Variants in ALG8 observed in about 807,000 individuals in gnomAD.
The protein encoded by ALG8 is ALG8 alpha-1,3-glucosyltransferase, also known as dolichyl pyrophosphate Glc1Man9GlcNAc2 alpha-1,3-glucosyltransferase.
A neutral mutation model predicts 70.2 loss-of-function variants in ALG8; 48 were observed. That is an observed-to-expected ratio of 0.68 (90% confidence interval 0.54 to 0.87). The LOEUF is 0.87. Ranked by LOEUF, ALG8 falls within the 40% of genes least tolerant of loss-of-function variation. ALG8 has a pLI of 0.00. For missense variants in ALG8, 572 were observed against 608.7 expected (o/e 0.94, Z 0.64); for synonymous variants, 234 against 229.0 (o/e 1.02, Z -0.20).
intron 7 of ALG8, among the ~76,000 whole-genome samples, chr11:78,113,154 T>A (rs1401001335): frequency 7.2e-5 from 11 of 152,194 alleles, no homozygotes; most frequent in Non-Finnish European, 1.3e-4. Flanking sequence ...AATTAGTTGA[T>A]TTCAGGGCAG....
intron 1 of ALG8, among the ~76,000 whole-genome samples, chr11:78,131,344 T>C (rs1164333670): frequency 6.6e-6 from 1 of 152,210 alleles, no homozygotes; most frequent in Non-Finnish European, 1.5e-5. Context: ...GGTTCATGCC[T>C]ATAATCCCAG....
chr11:78,138,685 A>G (rs1471994064), intron 1 of ALG8: 3 of 455,022 alleles, frequency 6.6e-6, no homozygotes, highest in African/African-American at 6.0e-5. Flanking sequence ...GCGGAAGCCA[A>G]TATTAATAAA....
At chr11:78,120,357 A>G (rs773252738) in intron 4 of ALG8, among the ~76,000 whole-genome samples, 2 of 152,318 alleles carry the variant, frequency 1.3e-5, no homozygotes, top group Admixed American at 6.5e-5. Context: ...GCAGCATTGC[A>G]TTGTTTATAG....
rs201799398 is a variant in ALG8 at position 78,138,373 on chromosome 11, CA to C, written c.95+1120del. ...TCTCAAAAAAAAAAAAAATAACAAA[CA>C]AAAAAAACAACTCTGAGGATACATT... On this transcript the variant is annotated intron_variant, in intron 1 of 12. Transcript: ENST00000299626. Among the ~76,000 whole-genome samples the C allele has an allele frequency of 1.2e-3, 177 of 147,476 alleles. 2 individuals carry two copies. The East Asian group carries it at 0.023, about 19-fold the overall frequency.
At position 78,124,153 on chromosome 11, in the gene ALG8, G is replaced by A. The variant is rs1223153103; in HGVS notation, c.236C>T (p.Ser79Leu). Residue 79 changes from serine (S) to leucine (L), a missense_variant, in exon 3 of 13, where the codon TCA becomes TTA. Coordinates refer to ENST00000299626, the MANE Select transcript of ALG8 (RefSeq NM_024079.5). ...PFFAWFEYIL[S>L]HVAKYFDQEM... is the part of the protein sequence containing the mutation. ...TTGATCAAAATATTTGGCAACATGT[G>A]ACAGGATATACTCAAACCATGCAAA... 1 of 1,613,974 alleles carries A rather than the reference G, an allele frequency of 6.2e-7. No homozygotes were observed. Among genetic ancestry groups the A allele is most frequent in the East Asian group, 2.2e-5 (1 of 44,882 alleles).
At chr11:78,104,506 A>G in intron 10 of ALG8, 53 bp from the exon 11 acceptor site, 1 of 1,487,164 alleles carries the variant, frequency 6.7e-7, no homozygotes, top group Non-Finnish European at 9.1e-7. Context: ...ACTTGCAAAT[A>G]GCTTAAATAA....
chr11:78,123,926 C>CTT, intron 3 of ALG8, 95 bp downstream of exon 3: 2 of 1,385,318 alleles, frequency 1.4e-6, no homozygotes, highest in Non-Finnish European at 1.0e-6. Context: ...ATCATATAAA[C>CTT]TTTGTTCCTC....
At chr11:78,116,858 G>A (rs746614050) in intron 5 of ALG8, among the ~76,000 whole-genome samples, 23 of 152,288 alleles carry the variant, frequency 1.5e-4, no homozygotes, top group Non-Finnish European at 2.9e-4. Context: ...ATCAGGTGCG[G>A]TCTAGAATTG....
intron 2 of ALG8, among the ~76,000 whole-genome samples, chr11:78,124,780 T>C (rs1430194450): frequency 6.6e-6 from 1 of 152,186 alleles, no homozygotes; most frequent in Non-Finnish European, 1.5e-5. Context: ...ACATATGAAA[T>C]ATATTTATAA....
intron 8 of ALG8, among the ~76,000 whole-genome samples, chr11:78,112,089 T>C (rs774377661): frequency 6.6e-6 from 1 of 152,010 alleles, no homozygotes; most frequent in Non-Finnish European, 1.5e-5. Flanking sequence ...CTGGGCAACA[T>C]AGTGAGACCC....
intron 4 of ALG8, among the ~76,000 whole-genome samples, chr11:78,120,353 T>C (rs941119729): frequency 3.3e-5 from 5 of 152,312 alleles, no homozygotes; most frequent in Middle Eastern, 3.4e-3. Flanking sequence ...GCATGCAGCA[T>C]TGCATTGTTT....
At chr11:78,118,067 T>A (rs1367047782) in intron 5 of ALG8, among the ~76,000 whole-genome samples, 1 of 104,170 alleles carries the variant, frequency 9.6e-6, no homozygotes, top group Non-Finnish European at 1.9e-5. Flanking sequence ...CGAGACTCCG[T>A]CTCAAAAAAA....
chr11:78,108,748 C>A (rs1860152683), intron 9 of ALG8, among the ~76,000 whole-genome samples: 1 of 152,242 alleles, frequency 6.6e-6, no homozygotes, highest in Non-Finnish European at 1.5e-5. Flanking sequence ...ATCTACATAC[C>A]TGTACTGTCA....
chr11:78,133,431 G>C (rs980560221), intron 1 of ALG8: 2 of 152,128 alleles, frequency 1.3e-5, no homozygotes, highest in African/African-American at 4.8e-5. Flanking sequence ...AATATATGAA[G>C]TGTTTCATAA....
At chr11:78,115,166 G>A (rs1168494674) in intron 5 of ALG8, among the ~76,000 whole-genome samples, 1 of 152,134 alleles carries the variant, frequency 6.6e-6, no homozygotes, top group Non-Finnish European at 1.5e-5. Context: ...CCGAGTAGCT[G>A]GGACTACAGG....
chr11:78,116,225 G>A (rs1347497136), intron 5 of ALG8, among the ~76,000 whole-genome samples: 1 of 152,132 alleles, frequency 6.6e-6, no homozygotes, highest in Non-Finnish European at 1.5e-5. Context: ...GCCAGGCATG[G>A]TGGTGGGTGC....
At chr11:78,137,957 A>G (rs1032801727) in intron 1 of ALG8, among the ~76,000 whole-genome samples, 1 of 152,198 alleles carries the variant, frequency 6.6e-6, no homozygotes, top group African/African-American at 2.4e-5. Context: ...GTGAAGTGCA[A>G]TAAAGCAAAG....
intron 12 of ALG8, among the ~76,000 whole-genome samples, chr11:78,101,905 A>T (rs1204501278): frequency 6.6e-6 from 1 of 152,138 alleles, no homozygotes; most frequent in Non-Finnish European, 1.5e-5. Flanking sequence ...GCAGTGGTGC[A>T]ATCTCAGCTT....
chr11:78,104,124 A>T (rs1227447593), intron 11 of ALG8, 72 bp from the exon 12 acceptor site: 2 of 1,035,294 alleles, frequency 1.9e-6, no homozygotes, highest in African/African-American at 3.2e-5. Flanking sequence ...AAAGTAATAT[A>T]AGCACACTGA....
Sources: gnomAD v4.1 joint callset for allele counts (sites outside exome capture counted in the v4.1 genomes callset) on GRCh38, gnomAD v4.1.1 for gene constraint, MANE v1.5 for transcripts, NCBI Gene and HGNC (gene_info 2026-07-23, HGNC 2026-07-21) for gene names.